The following PTPRK variants were observed in gnomAD, a reference collection of about 807,000 sequenced individuals.
The protein encoded by PTPRK is protein tyrosine phosphatase receptor type K.
A neutral mutation model predicts 178.0 loss-of-function variants in PTPRK; 75 were observed. The observed-to-expected ratio is 0.42, with a 90% CI of 0.35 to 0.51. The LOEUF (loss-of-function observed/expected upper bound fraction) is 0.51, where lower values mean the gene tolerates loss of function less well. Among genes scored for constraint, PTPRK ranks in the 20% least tolerant of loss-of-function variants. The pLI is 0.02. For synonymous variants in PTPRK, 637 were observed against 620.6 expected (o/e 1.03, Z -0.39); for missense variants, 1,441 against 1,797.8 (o/e 0.80, Z 3.59).
At chr6:128,518,795 G>A (rs982053265) in intron 1 of PTPRK, 7 of 344,380 alleles carry the variant, frequency 2.0e-5, no homozygotes, top group Non-Finnish European at 4.0e-5. Context: ...TTTCCTCTGC[G>A]TGCTGCCATT....
At chr6:128,377,794 AT>A (rs1469550948) in intron 2 of PTPRK, among the ~76,000 whole-genome samples, 1 of 152,012 alleles carries the variant, frequency 6.6e-6, no homozygotes. Flanking sequence ...GAAAAAAAAA[AT>A]GTCCTAATTA....
chr6:128,208,205 T>C (rs1807320849), intron 6 of PTPRK, among the ~76,000 whole-genome samples: 1 of 151,570 alleles, frequency 6.6e-6, no homozygotes, highest in African/African-American at 2.4e-5. Flanking sequence ...GAACTCTTTA[T>C]CTACCCTTAA....
chr6:128,413,069 A>T (rs980092031), intron 1 of PTPRK, among the ~76,000 whole-genome samples: 1 of 152,186 alleles, frequency 6.6e-6, no homozygotes, highest in Non-Finnish European at 1.5e-5. Context: ...CAGCATCTAC[A>T]ACCCATATAT....
chr6:128,136,130 G>A (rs1006865753), intron 7 of PTPRK, among the ~76,000 whole-genome samples: 12 of 152,150 alleles, frequency 7.9e-5, no homozygotes, highest in Admixed American at 2.6e-4. Context: ...AACACTGTGA[G>A]GACACAGTGA....
intron 2 of PTPRK, among the ~76,000 whole-genome samples, chr6:128,360,978 T>A (rs186382156): frequency 6.6e-6 from 1 of 152,242 alleles, no homozygotes; most frequent in East Asian, 1.9e-4. Context: ...TCTCCCTCTG[T>A]CCCATTATAG....
Position 127,990,862 on chromosome 6 carries a change from A to G in PTPRK, c.3003T>C (p.Pro1001=), listed in dbSNP as rs777993348. 1.2e-6 allele frequency: 2 copies of G among 1,608,656 alleles called. No homozygotes were observed. The highest frequency in any genetic ancestry group is 1.7e-5 in the Admixed American group (1 of 59,868). Reference sequence around the variant, plus strand: ...AGTCACCATAAACTTCAGTATCATCAGGCCAATATTTATAGCATTTAACCT... The same window carrying G: ...AGTCACCATAAACTTCAGTATCATCGGGCCAATATTTATAGCATTTAACCT... ...VGRVKCYKYW[P]DDTEVYGDFK... Residue 1001 remains proline (P), a synonymous_variant, in exon 21 of 30, where the codon CCT becomes CCC. Transcript: ENST00000368226.
intron 13 of PTPRK, among the ~76,000 whole-genome samples, chr6:128,010,197 A>G (rs1292463074): frequency 6.6e-6 from 1 of 151,340 alleles, no homozygotes; most frequent in East Asian, 1.9e-4. Flanking sequence ...GTCTTTTAAC[A>G]CAAAATTTCT....
chr6:128,084,223 CAA>C (rs1329261826), intron 8 of PTPRK, among the ~76,000 whole-genome samples: 6 of 152,122 alleles, frequency 3.9e-5, no homozygotes, highest in African/African-American at 1.4e-4. Flanking sequence ...GCAAATCCCC[CAA>C]AGAGTCTCCA....
chr6:128,472,127 T>TC (rs1850761213), intron 1 of PTPRK, among the ~76,000 whole-genome samples: 1 of 152,090 alleles, frequency 6.6e-6, no homozygotes, highest in South Asian at 2.1e-4. Flanking sequence ...GGCTGCTTCT[T>TC]CCCTCCAGAG....
intron 6 of PTPRK, among the ~76,000 whole-genome samples, chr6:128,203,944 C>CA (rs1806442838): frequency 6.6e-6 from 1 of 151,826 alleles, no homozygotes; most frequent in African/African-American, 2.4e-5. Context: ...CATATGGAAC[C>CA]AAAAAAGATC....
At chr6:128,009,335 A>G in intron 13 of PTPRK, 67 bp from the exon 14 acceptor site, 1 of 1,450,132 alleles carries the variant, frequency 6.9e-7, no homozygotes, top group Non-Finnish European at 9.5e-7. Flanking sequence ...AATTATTCCC[A>G]GTAATTACCT....
chr6:128,466,171 T>C (rs1007248563), intron 1 of PTPRK, among the ~76,000 whole-genome samples: 3 of 152,202 alleles, frequency 2.0e-5, no homozygotes, highest in East Asian at 3.8e-4. Flanking sequence ...TGTTTTCTTG[T>C]AGCAACTACT....
At chr6:127,980,067 T>C (rs1002322352) in intron 25 of PTPRK, among the ~76,000 whole-genome samples, 2 of 152,080 alleles carry the variant, frequency 1.3e-5, no homozygotes, top group African/African-American at 2.4e-5. Context: ...TCCCAGTACT[T>C]TGGGGGGCCG....
chr6:128,463,736 T>C (rs1192539022), intron 1 of PTPRK, among the ~76,000 whole-genome samples: 1 of 149,664 alleles, frequency 6.7e-6, no homozygotes, highest in Middle Eastern at 3.2e-3. Context: ...AAGTCAATCT[T>C]CACGGTTTTT....
chr6:128,250,696 G>A (rs1284994436), intron 3 of PTPRK, among the ~76,000 whole-genome samples: 1 of 152,126 alleles, frequency 6.6e-6, no homozygotes, highest in Non-Finnish European at 1.5e-5. Flanking sequence ...AATGCTATAA[G>A]GCATAAATTT....
At chr6:128,092,146 A>C (rs1787078024) in intron 7 of PTPRK, among the ~76,000 whole-genome samples, 1 of 152,222 alleles carries the variant, frequency 6.6e-6, no homozygotes, top group Non-Finnish European at 1.5e-5. Flanking sequence ...TCAGTGACCA[A>C]TACTTTATTA....
At chr6:128,126,411 C>T (rs1272579871) in intron 7 of PTPRK, among the ~76,000 whole-genome samples, 1 of 152,172 alleles carries the variant, frequency 6.6e-6, no homozygotes, top group Non-Finnish European at 1.5e-5. Flanking sequence ...ATTTGGGTTG[C>T]TTCCAGTTTT....
intron 3 of PTPRK, among the ~76,000 whole-genome samples, chr6:128,276,045 C>T (rs1820674275): frequency 6.6e-6 from 1 of 151,940 alleles, no homozygotes; most frequent in Non-Finnish European, 1.5e-5. Flanking sequence ...TTTAAGTATG[C>T]ACATAAGGTA....
chr6:128,145,975 A>C (rs751492776), intron 7 of PTPRK, among the ~76,000 whole-genome samples: 10 of 152,158 alleles, frequency 6.6e-5, no homozygotes, highest in Non-Finnish European at 1.3e-4. Flanking sequence ...TTCTTCCTCC[A>C]TTTGGTTTGA....
Sources: gnomAD v4.1 joint callset for allele counts (sites outside exome capture counted in the v4.1 genomes callset) on GRCh38, gnomAD v4.1.1 for gene constraint, MANE v1.5 for transcripts, NCBI Gene and HGNC (gene_info 2026-07-23, HGNC 2026-07-21) for gene names.